The following LETM1 variants were observed in gnomAD, a reference collection of about 807,000 sequenced individuals.
The protein encoded by LETM1 is mitochondrial proton/calcium exchanger protein.
In LETM1, 50 loss-of-function variants were observed where a neutral mutation model predicts 74.5. That is an observed-to-expected ratio of 0.67 (90% CI 0.53 to 0.85). LETM1 has a LOEUF of 0.85. Among genes scored for constraint, LETM1 ranks in the 40% least tolerant of loss-of-function variants. LETM1 has a pLI of 0.00. For missense variants in LETM1, 824 were observed against 967.8 expected (o/e 0.85, Z 1.97); for synonymous variants, 446 against 407.1 (o/e 1.10, Z -1.15).
intron 6 of LETM1, among the ~76,000 whole-genome samples, chr4:1,830,745 C>T (rs544762035): frequency 2.0e-5 from 3 of 152,234 alleles, no homozygotes; most frequent in East Asian, 1.9e-4. Context: ...TGGAGCTCTG[C>T]GCTGGTGGCT....
chr4:1,814,345 A>G lies in LETM1; in HGVS notation c.*79T>C. The G allele has an allele frequency of 6.3e-7, 1 of 1,595,548 alleles. No individual in the cohort carries two copies. Among genetic ancestry groups the G allele is most frequent in the African/African-American group, 1.3e-5 (1 of 74,366 alleles). On this transcript the variant is annotated 3_prime_UTR_variant, in exon 14 of 14. Transcript: ENST00000302787. ...CAAAATATTAGATGAGCCACTGAGAATCACCACAAAGCAATCGCCCTCACG... is the reference window on the plus strand; with the variant it reads ...CAAAATATTAGATGAGCCACTGAGAGTCACCACAAAGCAATCGCCCTCACG...
chr4:1,823,079 T>G lies in LETM1; in HGVS notation c.1385A>C (p.Asn462Thr). 1 of 1,610,490 alleles carries G rather than the reference T, an allele frequency of 6.2e-7. No individual in the cohort carries two copies. The highest frequency in any genetic ancestry group is 8.5e-7 in the Non-Finnish European group (1 of 1,177,994). The change falls in exon 9 of 14, where the codon AAC becomes ACC. Residue 462 changes from asparagine to threonine, a missense_variant. By Grantham distance (65) the Asn-to-Thr change is moderately conservative. Around this residue, in one of 4 missense-constraint regions of LETM1, gnomAD observed 172 missense variants for 170.7 expected, o/e 1.01. Transcript: ENST00000302787. ...VAEVEGEQVD[N>T]KAKLEATLQE... ...CAGCGTGGCCTCCAGCTTGGCCTTGTTGTCCACCTGCTCGCCCTCCACCTC... is the reference window on the plus strand; with the variant it reads ...CAGCGTGGCCTCCAGCTTGGCCTTGGTGTCCACCTGCTCGCCCTCCACCTC...
At chr4:1,852,390 C>T (rs141311642) in intron 1 of LETM1, among the ~76,000 whole-genome samples, 69 of 152,220 alleles carry the variant, frequency 4.5e-4, no homozygotes, top group African/African-American at 1.2e-3. Context: ...GCTAGGTGGA[C>T]GCCAGTGGGA....
rs1712695140 is a variant in LETM1, at chr4:1,841,584, T to C, written c.357A>G (p.Val119=). ...HSSRPVRDDS[V]VEKSLKSLKD... ...TCAAGGACTTGAGGGACTTCTCTACTACCGAGTCATCGCGAACAGGGCGCG... is the reference window on the plus strand; with the variant it reads ...TCAAGGACTTGAGGGACTTCTCTACCACCGAGTCATCGCGAACAGGGCGCG... Residue 119 remains valine (V), a synonymous_variant, in exon 3 of 14, where the codon GTA becomes GTG. Coordinates refer to ENST00000302787, the MANE Select transcript of LETM1 (RefSeq NM_012318.3). 1.2e-6 allele frequency: 2 copies of C among 1,614,154 alleles called. No homozygotes were observed. Among genetic ancestry groups the C allele is most frequent in the Non-Finnish European group, 1.7e-6 (2 of 1,180,020 alleles).
intron 6 of LETM1, among the ~76,000 whole-genome samples, chr4:1,830,266 G>A (rs1023264822): frequency 3.3e-4 from 51 of 152,278 alleles, no homozygotes; most frequent in Admixed American, 2.7e-3. Context: ...CCATTCTGCT[G>A]TTGAGCCCAC....
intron 6 of LETM1, among the ~76,000 whole-genome samples, chr4:1,830,834 C>T (rs972604598): frequency 6.6e-6 from 1 of 152,094 alleles, no homozygotes; most frequent in Admixed American, 6.6e-5. Context: ...TTCACTGATA[C>T]CTTCCTGCTT....
In LETM1 at chr4:1,836,764, A is replaced by T. The variant is rs994503221; in HGVS notation, c.595-192T>A. 1.3e-5 allele frequency among the ~76,000 whole-genome samples: 2 copies of T among 152,180 alleles called. No individual in the cohort carries two copies. The highest frequency in any genetic ancestry group is 4.8e-5 in the African/African-American group (2 of 41,434). On this transcript the variant is annotated intron_variant, in intron 3 of 13. Coordinates refer to ENST00000302787, the MANE Select transcript of LETM1 (RefSeq NM_012318.3). This position sits in a 1 kb window ranked among gnomAD's most constrained non-coding sequence, Gnocchi z 5.8. ...AACCCACTTCTTTCTCAGGGTCCAA[A>T]GCAGGTACCAGCAGCCTCCAGAAAA... is the stretch of plus-strand genomic sequence containing the variant.
chr4:1,819,316 C>A, intron 11 of LETM1, 22 bp downstream of exon 11: 2 of 1,596,262 alleles, frequency 1.3e-6, no homozygotes, highest in East Asian at 2.3e-5. Context: ...GTCTCAGAGT[C>A]CAGGGAGCAA....
chr4:1,829,000 C>A (rs1169629745), intron 6 of LETM1, among the ~76,000 whole-genome samples: 3 of 115,076 alleles, frequency 2.6e-5, no homozygotes, highest in East Asian at 3.0e-4. Context: ...CTGACCCCCC[C>A]CCACCTCCCT....
At position 1,841,381 on chromosome 4, in the gene LETM1, T is replaced by C. The variant is rs1366757571; in HGVS notation, c.560A>G (p.Asn187Ser). ...CTCCCGGCGGGTCAGGCTGTGGCCGTTGAGGATGCGCCAGAGCATGCGTGC... is the reference window on the plus strand; with the variant it reads ...CTCCCGGCGGGTCAGGCTGTGGCCGCTGAGGATGCGCCAGAGCATGCGTGC... The part of the protein sequence containing the change: ...IAARMLWRIL[N>S]GHSLTRRERR... The change falls in exon 3 of 14, where the codon AAC becomes AGC. Residue 187 changes from asparagine to serine, a missense_variant. Asn to Ser is a conservative substitution (Grantham distance 46). Transcript: ENST00000302787. 5.6e-6 allele frequency: 9 copies of C among 1,613,696 alleles called. No homozygotes were observed. The highest frequency in any genetic ancestry group is 1.1e-5 in the South Asian group (1 of 91,072).
In LETM1 at chr4:1,828,723, G is replaced by A. The variant is rs1406120261; in HGVS notation, c.1081-3040C>T. ...TCCCTCCCGGATGGGGCGGCTGGCCGGGCAGAGGGGCTCCCCACTTCCCAG... is the reference window on the plus strand; with the variant it reads ...TCCCTCCCGGATGGGGCGGCTGGCCAGGCAGAGGGGCTCCCCACTTCCCAG... On this transcript the variant is annotated intron_variant, in intron 6 of 13. Transcript: ENST00000302787. Among the ~76,000 whole-genome samples, 10 of 134,140 alleles carry A rather than the reference G, an allele frequency of 7.5e-5. No individual in the cohort carries two copies. The East Asian group carries it at 1.2e-3, about 16-fold the overall frequency. 88.0% of individuals were successfully genotyped at this position (134,140 alleles called of 152,430 possible).
chr4:1,821,864 G>A (rs1431468632), intron 10 of LETM1, among the ~76,000 whole-genome samples: 1 of 152,206 alleles, frequency 6.6e-6, no homozygotes, highest in African/African-American at 2.4e-5. Flanking sequence ...TCACTGTCTG[G>A]GCAAGCTGGC....
rs762531114 is a variant in LETM1, at chr4:1,841,439, A to C, written c.502T>G (p.Phe168Val). 1.2e-6 allele frequency: 2 copies of C among 1,614,120 alleles called. No individual in the cohort carries two copies. Among genetic ancestry groups the C allele is most frequent in the East Asian group, 4.5e-5 (2 of 44,904 alleles). The part of the protein sequence containing the change: ...LDELKHYYHG[F>V]RLLWIDTKIA... ...TTGGTGTCGATCCATAGCAGGCGGA[A>C]GCCATGGTAGTAGTGCTTCAGCTCG... The change falls in exon 3 of 14, where the codon TTC (phenylalanine) becomes GTC (valine). Residue 168 changes from phenylalanine (F) to valine (V), a missense_variant. Phe to Val is a conservative substitution (Grantham distance 50, BLOSUM62 -1). Around this residue, in one of 4 missense-constraint regions of LETM1, gnomAD observed 269 missense variants for 348.8 expected, o/e 0.77. Transcript: ENST00000302787.
At chr4:1,819,602 T>A (rs1711701518) in intron 10 of LETM1, 130 bp from the exon 11 acceptor site, 2 of 1,065,966 alleles carry the variant, frequency 1.9e-6, no homozygotes, top group Admixed American at 5.5e-5. Flanking sequence ...CAGTCATTGG[T>A]AACAAGAGAC....
intron 5 of LETM1, chr4:1,833,198 A>G (rs1577319294): frequency 4.0e-6 from 2 of 493,958 alleles, no homozygotes; most frequent in Non-Finnish European, 7.4e-6. Context: ...TAGCCTCCCG[A>G]GTAGCTGGGA....
intron 3 of LETM1, among the ~76,000 whole-genome samples, chr4:1,837,403 C>A (rs899792609): frequency 6.6e-6 from 1 of 152,160 alleles, no homozygotes; most frequent in Non-Finnish European, 1.5e-5. Context: ...GAGGGGAGAA[C>A]CCTGCCTTCC....
In LETM1 at chr4:1,816,786, C is replaced by T. The variant is rs771537649; in HGVS notation, c.1872G>A (p.Ser624=). The T allele has an allele frequency of 8.7e-6, 14 of 1,614,104 alleles. No homozygotes were observed. Among genetic ancestry groups the T allele is most frequent in the African/African-American group, 2.7e-5 (2 of 74,936 alleles). ...QMIGQIDGLI[S]QLEMDQQAGK... is the part of the protein sequence containing the mutation. ...CAGCCTGCTGGTCCATCTCCAGCTG[C>T]GAGATCAAGCCATCGATCTGCCCGA... is the stretch of plus-strand genomic sequence containing the variant. The change falls in exon 12 of 14, where the codon TCG becomes TCA. Residue 624 remains serine (S), a synonymous_variant. Transcript: ENST00000302787.
chr4:1,825,515 G>C, intron 7 of LETM1, 49 bp downstream of exon 7: 1 of 1,583,784 alleles, frequency 6.3e-7, no homozygotes, highest in South Asian at 1.1e-5. Context: ...CGAGGCTGAT[G>C]TTTCCCTTGA....
intron 1 of LETM1, among the ~76,000 whole-genome samples, chr4:1,853,973 AATT>A (rs535427065): frequency 2.6e-4 from 39 of 152,286 alleles, no homozygotes; most frequent in East Asian, 7.7e-4. Flanking sequence ...ATAAAAAGCT[AATT>A]ATTATTATTA....
Sources: gnomAD v4.1 joint callset for allele counts (sites outside exome capture counted in the v4.1 genomes callset) on GRCh38, gnomAD v4.1.1 for gene constraint, gnomAD v4.1.1 regional missense constraint, Gnocchi (gnomAD v3.1) non-coding constraint, MANE v1.5 for transcripts, NCBI Gene and HGNC (gene_info 2026-07-23, HGNC 2026-07-21) for gene names.